The following PCDHGB3 variants were observed in gnomAD, a reference collection of about 807,000 sequenced individuals.
The protein encoded by PCDHGB3 is protocadherin gamma subfamily B, 3, also known as protocadherin gamma-B3.
Under a neutral mutation model 59.2 loss-of-function variants are expected in PCDHGB3, and 40 were observed. The ratio of observed to expected loss-of-function variants is 0.68; its 90% confidence interval spans 0.52 to 0.88. PCDHGB3 has a LOEUF of 0.88. PCDHGB3 is among the 40% of genes least tolerant of loss of function. The probability of loss-of-function intolerance (pLI) is 0.00; values close to 1 mark genes in which losing one functional copy is unlikely to be tolerated. For synonymous variants in PCDHGB3, 581 were observed against 503.6 expected (o/e 1.15, Z -2.06); for missense variants, 1,309 against 1,187.9 (o/e 1.10, Z -1.50).
At chr5:141,419,088 T>C in intron 1 of PCDHGB3, 3 of 1,613,940 alleles carry the variant, frequency 1.9e-6, no homozygotes, top group Non-Finnish European at 2.5e-6. Context: ...GATGAGGCCC[T>C]GGATCGGGAG....
At chr5:141,395,224 C>G (rs1442627118) in intron 1 of PCDHGB3, 1 of 1,610,586 alleles carries the variant, frequency 6.2e-7, no homozygotes, top group Admixed American at 1.7e-5. Context: ...AAGAATGAAG[C>G]TGATCATGGT....
At position 141,370,882 on chromosome 5, in the gene PCDHGB3, G is replaced by T; in HGVS notation, c.488G>T (p.Gly163Val). ...ALESAQDPDVGVNSLQQYYLS... is the reference protein window; with the variant it reads ...ALESAQDPDVVVNSLQQYYLS... ...GAATCTGCGCAAGATCCTGATGTAG[G>T]TGTCAATTCGCTGCAGCAGTACTAC... The change falls in exon 1 of 4, where the codon GGT becomes GTT. Residue 163 changes from glycine (G) to valine (V), a missense_variant. Physicochemically the swap from Gly to Val is moderately radical, Grantham distance 109 (BLOSUM62 -3). Transcript: ENST00000576222. The T allele has an allele frequency of 6.2e-7, 1 of 1,614,012 alleles. No homozygotes were observed. The highest frequency in any genetic ancestry group is 8.5e-7 in the Non-Finnish European group (1 of 1,179,894).
At position 141,431,982 on chromosome 5, in the gene PCDHGB3, T is replaced by G. The variant is rs2097433926; in HGVS notation, c.2415+59173T>G. The G allele has an allele frequency of 6.2e-7, 1 of 1,614,212 alleles. No homozygotes were observed. Among genetic ancestry groups the G allele is most frequent in the African/African-American group, 1.3e-5 (1 of 75,056 alleles). ...AATTACTATAGTTTAGTCACAGACA[T>G]AGTCTTGGATAGGGAACAGGTTCCT... On this transcript the variant is annotated intron_variant, in intron 1 of 3. Transcript: ENST00000576222. The surrounding 1 kb of genome is among the most constrained non-coding windows in gnomAD (Gnocchi z 4.8).
intron 1 of PCDHGB3, among the ~76,000 whole-genome samples, chr5:141,467,486 T>A (rs985186472): frequency 6.6e-6 from 1 of 152,242 alleles, no homozygotes; most frequent in Non-Finnish European, 1.5e-5. Flanking sequence ...GGTTTCCACA[T>A]TTAGATCCCT....
intron 1 of PCDHGB3, chr5:141,385,514 G>T: frequency 7.3e-7 from 1 of 1,363,606 alleles, no homozygotes; most frequent in Non-Finnish European, 9.5e-7. Context: ...TTTAGTGAAA[G>T]CCTATGGACA....
intron 1 of PCDHGB3, among the ~76,000 whole-genome samples, chr5:141,400,911 CAAAG>C (rs1162228499): frequency 6.6e-6 from 1 of 152,176 alleles, no homozygotes; most frequent in Non-Finnish European, 1.5e-5. Flanking sequence ...TCTTTTAAAG[CAAAG>C]AAACTGCTAG....
In PCDHGB3 at chr5:141,400,247, T is replaced by C; in HGVS notation, c.2415+27438T>C. 1 of 1,614,050 alleles carries C rather than the reference T, an allele frequency of 6.2e-7. No homozygotes were observed. Among genetic ancestry groups the C allele is most frequent in the East Asian group, 2.2e-5 (1 of 44,884 alleles). ...TTCCTCCTGGCCGTGATTCTGGCCG[T>C]TGCCTTGCGCCTGCGACGCTCCTCC... On this transcript the variant is annotated intron_variant, in intron 1 of 3. Transcript: ENST00000576222.
intron 1 of PCDHGB3, chr5:141,422,129 A>T: frequency 6.3e-7 from 1 of 1,599,702 alleles, no homozygotes; most frequent in East Asian, 2.2e-5. Flanking sequence ...CAAACTGGAG[A>T]AGTTCAAGTA....
Position 141,489,091 on chromosome 5 carries a change from T to A in PCDHGB3, c.2416-5716T>A. 1.9e-4 allele frequency: 63 copies of A among 332,802 alleles called. No individual in the cohort carries two copies. Among genetic ancestry groups the A allele is most frequent in the East Asian group, 2.9e-4 (6 of 20,542 alleles). The allele number at this position is 332,802 out of a possible 1,614,324, so 20.6% of individuals were successfully genotyped here. A position where few individuals can be genotyped will look rare whatever the true frequency, so the allele number is the denominator to read the frequency against. ...CTGCCCACCCCCGCCACTCGGTGAC[T>A]AAGAACTGCTGCAAGCAGGCAAACC... On this transcript the variant is annotated intron_variant, in intron 1 of 3. Transcript: ENST00000576222. This position sits in a 1 kb window ranked among gnomAD's most constrained non-coding sequence, Gnocchi z 4.5.
At chr5:141,396,781 G>T (rs1270995904) in intron 1 of PCDHGB3, 1 of 152,204 alleles carries the variant, frequency 6.6e-6, no homozygotes, top group East Asian at 1.9e-4. Context: ...TTAATGAAAA[G>T]GACATTTCCT....
Position 141,489,120 on chromosome 5 carries a change from G to T in PCDHGB3, c.2416-5687G>T. On this transcript the variant is annotated intron_variant, in intron 1 of 3. Coordinates refer to ENST00000576222, the MANE Select transcript of PCDHGB3 (RefSeq NM_018924.5). The surrounding 1 kb of genome is among the most constrained non-coding windows in gnomAD (Gnocchi z 4.5). Reference sequence around the variant, plus strand: ...AACTGCTGCAAGCAGGCAAACCTCCGAGCAGTTTTTAAGAGGCTGGAAGGA... The same window carrying T: ...AACTGCTGCAAGCAGGCAAACCTCCTAGCAGTTTTTAAGAGGCTGGAAGGA... 2.2e-6 allele frequency: 1 copy of T among 445,672 alleles called. No individual in the cohort carries two copies. The highest frequency in any genetic ancestry group is 3.8e-6 in the Non-Finnish European group (1 of 264,754). The allele number at this position is 445,672 out of a possible 1,614,324, so 27.6% of individuals were successfully genotyped here.
chr5:141,395,364 A>G, intron 1 of PCDHGB3: 1 of 1,264,440 alleles, frequency 7.9e-7, no homozygotes, highest in Non-Finnish European at 1.1e-6. Flanking sequence ...TTTTGGGTTT[A>G]TTTTGGTGGT....
At chr5:141,483,972 A>G in intron 1 of PCDHGB3, among the ~76,000 whole-genome samples, 1 of 83,960 alleles carries the variant, frequency 1.2e-5, no homozygotes, top group Admixed American at 1.8e-4. Context: ...TGCTTGTGCA[A>G]GGGAGTAGCT....
At chr5:141,414,678 G>A (rs1276367800) in intron 1 of PCDHGB3, 14 of 1,613,856 alleles carry the variant, frequency 8.7e-6, no homozygotes, top group African/African-American at 1.3e-5. Context: ...ACACCATCCA[G>A]GGGGTACCTC....
Position 141,420,101 on chromosome 5 carries a change from T to A in PCDHGB3, c.2415+47292T>A. 5 of 1,614,046 alleles carry A rather than the reference T, an allele frequency of 3.1e-6. No homozygotes were observed. Among genetic ancestry groups the A allele is most frequent in the Non-Finnish European group, 4.2e-6 (5 of 1,179,870 alleles). ...TCCCCCCAACTACAGTGAGGGAACGTTGCCCTATGCCTATAATTTTTGTGT... is the reference window on the plus strand; with the variant it reads ...TCCCCCCAACTACAGTGAGGGAACGATGCCCTATGCCTATAATTTTTGTGT... On this transcript the variant is annotated intron_variant, in intron 1 of 3. Transcript: ENST00000576222.
chr5:141,375,706 T>A lies in PCDHGB3; in HGVS notation c.2415+2897T>A, dbSNP rs1771783904. 12 of 1,614,114 alleles carry A rather than the reference T, an allele frequency of 7.4e-6. No individual in the cohort carries two copies. The East Asian group carries it at 2.2e-4, about 30-fold the overall frequency. On this transcript the variant is annotated intron_variant, in intron 1 of 3. Coordinates refer to ENST00000576222, the MANE Select transcript of PCDHGB3 (RefSeq NM_018924.5). ...CAGCCAGCGACAGCGGGGACCCGCCTCTTAGCAGCAACGTGTCACTGAGCC... is the reference window on the plus strand; with the variant it reads ...CAGCCAGCGACAGCGGGGACCCGCCACTTAGCAGCAACGTGTCACTGAGCC...
chr5:141,432,215 C>T lies in PCDHGB3; in HGVS notation c.2415+59406C>T. The T allele has an allele frequency of 1.9e-6, 3 of 1,614,228 alleles. No individual in the cohort carries two copies. The highest frequency in any genetic ancestry group is 2.5e-6 in the Non-Finnish European group (3 of 1,180,036). The stretch of plus-strand genomic sequence containing the variant: ...CGACCCCGACTGTGAAGAGAACGCC[C>T]AGATCACTTATTCCCTGGCTGAGAA... On this transcript the variant is annotated intron_variant, in intron 1 of 3. Transcript: ENST00000576222. This position sits in a 1 kb window ranked among gnomAD's most constrained non-coding sequence, Gnocchi z 6.0.
rs375080564 is a variant in PCDHGB3 at position 141,486,676 on chromosome 5, T to C, written c.2416-8131T>C. On this transcript the variant is annotated intron_variant, in intron 1 of 3. Transcript: ENST00000576222. The surrounding 1 kb of genome is among the most constrained non-coding windows in gnomAD (Gnocchi z 5.0). ...CACTCCTGGAGCCCAGGAATCGAGA[T>C]GTATCAGCTTCCTCTTTCATCTCTC... The C allele has an allele frequency of 6.2e-7, 1 of 1,614,120 alleles. No homozygotes were observed. The highest frequency in any genetic ancestry group is 1.7e-5 in the Admixed American group (1 of 60,032).
intron 3 of PCDHGB3, 157 bp downstream of exon 3, chr5:141,505,638 T>C: frequency 1.0e-6 from 1 of 968,044 alleles, no homozygotes; most frequent in Non-Finnish European, 1.2e-6. Context: ...ACATAAAGCC[T>C]GGAATTGTGG....
Sources: allele counts gnomAD v4.1 joint callset (sites outside exome capture counted in the v4.1 genomes callset), GRCh38; gene constraint gnomAD v4.1.1; non-coding constraint Gnocchi (gnomAD v3.1); transcripts MANE v1.5; gene names NCBI Gene and HGNC (gene_info 2026-07-23, HGNC 2026-07-21).